Variants in POP1 observed in about 807,000 individuals in gnomAD.
POP1 encodes ribonucleases P/MRP protein subunit POP1.
Under a neutral mutation model 102.2 loss-of-function variants are expected in POP1, and 75 were observed. That is an observed-to-expected ratio of 0.73 (90% CI 0.61 to 0.89). POP1 has a LOEUF of 0.89. Among genes scored for constraint, POP1 ranks in the 40% least tolerant of loss-of-function variants. POP1 has a pLI of 0.00. For missense variants in POP1, 1,116 were observed against 1,267.4 expected (o/e 0.88, Z 1.81); for synonymous variants, 436 against 464.1 (o/e 0.94, Z 0.78).
chr8:98,141,079 AG>A (rs1462333457), intron 11 of POP1, among the ~76,000 whole-genome samples, 191 bp downstream of exon 11: 16 of 152,050 alleles, frequency 1.1e-4, no homozygotes, highest in Admixed American at 6.6e-4. Context: ...GTCTTTTAGC[AG>A]TAAAACACGT....
At position 98,134,324 on chromosome 8, in the gene POP1, T is replaced by C. The variant is rs954773968; in HGVS notation, c.824-148T>C. 15 of 808,750 alleles carry C rather than the reference T, an allele frequency of 1.9e-5. No homozygotes were observed. In the African/African-American group the frequency reaches 2.4e-4, roughly 13 times the overall value. 50.1% of individuals were successfully genotyped at this position (808,750 alleles called of 1,614,324 possible). A position where few individuals can be genotyped will look rare whatever the true frequency, so the allele number is the denominator to read the frequency against. ...TTAACACATATTTGTTGAGAACTTATTGTGTGCCAGGCTTTGATCTGAGCA... is the reference window on the plus strand; with the variant it reads ...TTAACACATATTTGTTGAGAACTTACTGTGTGCCAGGCTTTGATCTGAGCA... On this transcript the variant is annotated intron_variant, in intron 6 of 15. Transcript: ENST00000401707.
At position 98,157,734 on chromosome 8, in the gene POP1, G is replaced by C. The variant is rs368835364; in HGVS notation, c.2538G>C (p.Leu846=). The C allele has an allele frequency of 6.2e-7, 1 of 1,614,224 alleles. No individual in the cohort carries two copies. The change falls in exon 16 of 16, where the codon CTG becomes CTC. Residue 846 remains leucine, a synonymous_variant. Transcript: ENST00000401707. ...AAGGATTGACCAGAGAGGCTTGCCT[G>C]TCCATCTTGGGCCACTTCCCCAGGG... ...GQQGLTREAC[L]SILGHFPRAL...
chr8:98,155,981 G>A lies in POP1; in HGVS notation c.2058-69G>A, dbSNP rs1475596221. 5 of 1,261,612 alleles carry A rather than the reference G, an allele frequency of 4.0e-6. No individual in the cohort carries two copies. In the Admixed American group the frequency reaches 8.9e-5, roughly 23 times the overall value. 78.2% of individuals were successfully genotyped at this position (1,261,612 alleles called of 1,614,324 possible). ...TTTTAAAATAGAGATGCATTATAAT[G>A]GTTATAATTATTTTAGTTTTCCAAT... On this transcript the variant is annotated intron_variant, in intron 14 of 15. Transcript: ENST00000401707.
intron 14 of POP1, among the ~76,000 whole-genome samples, chr8:98,154,955 AAAAG>A (rs1176815506): frequency 6.6e-6 from 1 of 152,232 alleles, no homozygotes; most frequent in African/African-American, 2.4e-5. Context: ...AAAATAAATA[AAAAG>A]AAAGAAATAT....
chr8:98,132,275 G>C (rs983041240), intron 5 of POP1, among the ~76,000 whole-genome samples: 2 of 152,168 alleles, frequency 1.3e-5, no homozygotes, highest in Middle Eastern at 3.2e-3. Context: ...GTACAGAGAG[G>C]TTAGGTAGTT....
In POP1 at chr8:98,119,566, A is replaced by C. The variant is rs570919556; in HGVS notation, c.-3+2176A>C. Among the ~76,000 whole-genome samples the C allele has an allele frequency of 1.6e-4, 24 of 152,322 alleles. 2 individuals are homozygous for C. In the South Asian group the frequency reaches 5.0e-3, roughly 32 times the overall value. On this transcript the variant is annotated intron_variant, in intron 1 of 15. Transcript: ENST00000401707. ...GACTTGAAGGTGAAGGTAAGAGTTAAGATTCCTTCTGGAAACTTTTTTTTT... is the reference window on the plus strand; with the variant it reads ...GACTTGAAGGTGAAGGTAAGAGTTACGATTCCTTCTGGAAACTTTTTTTTT...
chr8:98,129,121 G>GT (rs1349264305), intron 4 of POP1, among the ~76,000 whole-genome samples: 2 of 151,996 alleles, frequency 1.3e-5, no homozygotes, highest in Non-Finnish European at 2.9e-5. Flanking sequence ...CTTCCCAGAT[G>GT]TTAAAAAAAA....
chr8:98,118,443 C>G (rs1563767494), intron 1 of POP1, among the ~76,000 whole-genome samples: 1 of 151,696 alleles, frequency 6.6e-6, no homozygotes, highest in Non-Finnish European at 1.5e-5. Context: ...TTCTTTCTTT[C>G]AAGACAGGAT....
chr8:98,136,401 T>TAA, intron 7 of POP1, 81 bp from the exon 8 acceptor site: 129 of 1,104,282 alleles, frequency 1.2e-4, no homozygotes, highest in South Asian at 1.4e-4. Flanking sequence ...TAAAGAGATT[T>TAA]AAAAAAAAAA....
chr8:98,149,088 T>A lies in POP1; in HGVS notation c.1902+82T>A, dbSNP rs1809445853. The stretch of plus-strand genomic sequence containing the variant: ...GCTAAGTACTCAAAATGTTCCAGAC[T>A]TTATGTACAACTTAGGAGGAATTGA... On this transcript the variant is annotated intron_variant, in intron 13 of 15. Coordinates refer to ENST00000401707, the MANE Select transcript of POP1 (RefSeq NM_001145860.2). 8.3e-6 allele frequency: 11 copies of A among 1,329,898 alleles called. No homozygotes were observed. In the South Asian group the frequency reaches 1.0e-4, roughly 12 times the overall value. 82.4% of individuals were successfully genotyped at this position (1,329,898 alleles called of 1,614,324 possible).
At chr8:98,137,307 CT>C (rs113798017) in intron 9 of POP1, among the ~76,000 whole-genome samples, 10,899 of 147,200 alleles carry the variant, frequency 0.074, 609 homozygotes, top group Middle Eastern at 0.17. Context: ...GTTTTCTTTT[CT>C]TTTTTTTTTT....
In POP1 at chr8:98,128,515, G is replaced by C; in HGVS notation, c.461G>C (p.Arg154Pro). 6.2e-7 allele frequency: 1 copy of C among 1,613,916 alleles called. No homozygotes were observed. The highest frequency in any genetic ancestry group is 8.5e-7 in the Non-Finnish European group (1 of 1,179,838). ...CACAACGTCAAACGCCTTCCCAGAC[G>C]GTTACAGGAGATTGCCCAGAAAGAG... The part of the protein sequence containing the change: ...MSHNVKRLPR[R>P]LQEIAQKEAE... Residue 154 changes from arginine to proline, a missense_variant, in exon 4 of 16, where the codon CGG (arginine) becomes CCG (proline). By Grantham distance (103) the Arg-to-Pro change is moderately radical (BLOSUM62 -2). Transcript: ENST00000401707.
intron 1 of POP1, 26 bp downstream of exon 1, chr8:98,117,416 C>G: frequency 2.7e-6 from 1 of 370,824 alleles, no homozygotes; most frequent in Non-Finnish European, 5.0e-6. Flanking sequence ...CTGGTGCCTT[C>G]CAGGATGCGA....
intron 1 of POP1, among the ~76,000 whole-genome samples, chr8:98,120,938 T>C (rs369080747): frequency 2.8e-4 from 43 of 151,978 alleles, no homozygotes; most frequent in African/African-American, 9.9e-4. Context: ...GAACCACCGC[T>C]CCCGGCCTCA....
chr8:98,127,464 G>C (rs1021488702), intron 2 of POP1, 131 bp from the exon 3 acceptor site: 4 of 1,094,654 alleles, frequency 3.7e-6, no homozygotes, highest in African/African-American at 1.6e-5. Context: ...AAAATAAGTA[G>C]TAATAGCCAC....
intron 7 of POP1, among the ~76,000 whole-genome samples, chr8:98,135,236 C>T (rs1170134088): frequency 6.6e-6 from 1 of 151,600 alleles, no homozygotes; most frequent in Non-Finnish European, 1.5e-5. Context: ...TGAAATCGTG[C>T]TATTGCACTC....
chr8:98,121,922 T>C (rs1394280813), intron 1 of POP1, among the ~76,000 whole-genome samples: 1 of 152,022 alleles, frequency 6.6e-6, no homozygotes, highest in Non-Finnish European at 1.5e-5. Context: ...CCTGACCTCA[T>C]GATCCGCCCG....
In POP1 at chr8:98,140,241, G is replaced by A. The variant is rs367913284; in HGVS notation, c.1474+52G>A. On this transcript the variant is annotated intron_variant, in intron 10 of 15. Transcript: ENST00000401707. Reference sequence around the variant, plus strand: ...TTGGGGAGGGAAGGGGGCCAAAAGAGCCTTTTGCAGTTGGGCCTCCAACAT... The same window carrying A: ...TTGGGGAGGGAAGGGGGCCAAAAGAACCTTTTGCAGTTGGGCCTCCAACAT... The A allele has an allele frequency of 1.3e-5, 19 of 1,488,520 alleles. 1 individual carries two copies. The African/African-American group carries it at 2.1e-4, about 16-fold the overall frequency. The allele number at this position is 1,488,520 out of a possible 1,614,324, so 92.2% of individuals were successfully genotyped here.
rs770557995 is a variant in POP1, at chr8:98,158,261, T to C, written c.3065T>C (p.Ile1022Thr). 4.3e-6 allele frequency: 7 copies of C among 1,609,614 alleles called. No individual in the cohort carries two copies. The highest frequency in any genetic ancestry group is 1.3e-5 in the African/African-American group (1 of 75,054). Residue 1022 changes from isoleucine to threonine, a missense_variant, in exon 16 of 16, where the codon ATT becomes ACT. Physicochemically the swap from Ile to Thr is moderately conservative, Grantham distance 89. Transcript: ENST00000401707. ...CAGTATCGATTTGCGAGGATTGCTA[T>C]TGAGGTGTGAATGCGTGCTTGTATC... ...SLQYRFARIA[I>T]EV is the part of the protein sequence containing the mutation.
Sources: gnomAD v4.1 joint callset for allele counts (sites outside exome capture counted in the v4.1 genomes callset) on GRCh38, gnomAD v4.1.1 for gene constraint, MANE v1.5 for transcripts, NCBI Gene and HGNC (gene_info 2026-07-23, HGNC 2026-07-21) for gene names.